Variants in RABGEF1 observed in about 807,000 individuals in gnomAD.
RABGEF1 encodes the protein rab5 GDP/GTP exchange factor.
RABGEF1 carries 26 observed loss-of-function variants against 57.3 expected under a neutral mutation model. The observed-to-expected ratio is 0.45, with a 90% CI of 0.33 to 0.63. The LOEUF (loss-of-function observed/expected upper bound fraction) is 0.63. Ranked by LOEUF, RABGEF1 falls within the 20% of genes least tolerant of loss-of-function variation. RABGEF1 has a pLI of 0.02. For synonymous variants in RABGEF1, 185 were observed against 210.7 expected (o/e 0.88, Z 1.06); for missense variants, 464 against 607.6 (o/e 0.76, Z 2.48).
chr7:66,714,661 C>T (rs905955120), intron 2 of RABGEF1, among the ~76,000 whole-genome samples: 12 of 152,142 alleles, frequency 7.9e-5, no homozygotes, highest in East Asian at 7.7e-4. Context: ...TAGGGCCAGG[C>T]GCAGTGGCTC....
chr7:66,786,306 A>C lies in RABGEF1; in HGVS notation c.513+2465A>C, dbSNP rs142734897. 4.2e-3 allele frequency among the ~76,000 whole-genome samples: 644 copies of C among 152,308 alleles called. 3 individuals carry two copies. Among genetic ancestry groups the C allele is most frequent in the Non-Finnish European group, 7.8e-3 (531 of 68,020 alleles). ...ACACTAAGATGTTTTTTGTTTTTAG[A>C]ATTTAAATTTCAGCACCTACGTAAT... On this transcript the variant is annotated intron_variant, in intron 4 of 8. Transcript: ENST00000284957.
chr7:66,783,383 T>G (rs560549837), intron 3 of RABGEF1, among the ~76,000 whole-genome samples: 9 of 152,342 alleles, frequency 5.9e-5, no homozygotes, highest in Middle Eastern at 3.4e-3. Context: ...TGATTGAATA[T>G]ATAGATCAAA....
intron 1 of RABGEF1, among the ~76,000 whole-genome samples, chr7:66,759,346 C>T (rs982573547): frequency 2.0e-5 from 3 of 152,220 alleles, no homozygotes; most frequent in Non-Finnish European, 4.4e-5. Flanking sequence ...TTCGAAGCGT[C>T]TTCTCCCAGC....
intron 2 of RABGEF1, among the ~76,000 whole-genome samples, chr7:66,732,692 T>C (rs1399872976): frequency 6.6e-6 from 1 of 152,052 alleles, no homozygotes; most frequent in Non-Finnish European, 1.5e-5. Flanking sequence ...AGCTGCGCTC[T>C]TGTGCTCTCT....
chr7:66,743,328 T>A (rs6953279), intron 1 of RABGEF1, among the ~76,000 whole-genome samples: 73,849 of 142,434 alleles, frequency 0.52, 19,328 homozygotes, highest in East Asian at 0.74. Context: ...GAAAAAAATT[T>A]AAAAAAAAAA....
intron 2 of RABGEF1, among the ~76,000 whole-genome samples, chr7:66,724,651 C>T (rs538696457): frequency 5.3e-5 from 8 of 152,198 alleles, no homozygotes; most frequent in Non-Finnish European, 7.3e-5. Context: ...AGCCACTGCA[C>T]CTGGCCTGAA....
intron 3 of RABGEF1, among the ~76,000 whole-genome samples, chr7:66,775,996 A>G (rs188069524): frequency 4.0e-4 from 61 of 152,330 alleles, no homozygotes; most frequent in Admixed American, 1.1e-3. Context: ...CAGCAAGAGG[A>G]TTGTCACTTA....
At chr7:66,762,601 GAAAAAA>G in intron 1 of RABGEF1, among the ~76,000 whole-genome samples, 1 of 149,954 alleles carries the variant, frequency 6.7e-6, no homozygotes, top group African/African-American at 2.5e-5. Context: ...GAAAAGAAAA[GAAAAAA>G]AGAAAAAAAA....
chr7:66,719,809 C>T (rs1795800887), intron 2 of RABGEF1, among the ~76,000 whole-genome samples: 2 of 152,102 alleles, frequency 1.3e-5, no homozygotes, highest in East Asian at 3.8e-4. Flanking sequence ...CTGTCTTTTC[C>T]TGTTTTCCTG....
intron 1 of RABGEF1, among the ~76,000 whole-genome samples, chr7:66,765,349 AATAC>A (rs1428528807): frequency 2.6e-5 from 4 of 152,200 alleles, no homozygotes; most frequent in Non-Finnish European, 5.9e-5. Flanking sequence ...GTTTCTGTCT[AATAC>A]ATAGTGAGCT....
Position 66,805,309 on chromosome 7 carries a change from C to G in RABGEF1, c.990C>G (p.Arg330=), listed in dbSNP as rs1297015167. ...TTGTTTTGAAGGGCAACCCCCCACG[C>G]CTTCAGTCTAATATCCAGTATATCA... The part of the protein sequence containing the change: ...IYIVLKGNPP[R]LQSNIQYITR... Residue 330 remains arginine, a synonymous_variant, in exon 8 of 9, where the codon CGC becomes CGG. Coordinates refer to ENST00000284957, the MANE Select transcript of RABGEF1 (RefSeq NM_014504.3). 5.3e-5 allele frequency: 85 copies of G among 1,614,074 alleles called. 1 individual carries two copies. The Admixed American group carries it at 1.4e-3, about 27-fold the overall frequency.
intron 1 of RABGEF1, among the ~76,000 whole-genome samples, chr7:66,687,512 A>G (rs2117082221): frequency 6.6e-6 from 1 of 151,782 alleles, no homozygotes; most frequent in East Asian, 1.9e-4. Flanking sequence ...AAGAAAAAAG[A>G]AAAGAAGAAG....
intron 2 of RABGEF1, among the ~76,000 whole-genome samples, chr7:66,772,346 G>A (rs1807352110): frequency 6.6e-6 from 1 of 152,150 alleles, no homozygotes; most frequent in Non-Finnish European, 1.5e-5. Flanking sequence ...TCCTTGGAGT[G>A]GAAGAATGGA....
chr7:66,673,957 T>G, the RABGEF1 span, among the ~76,000 whole-genome samples: 1 of 152,200 alleles, frequency 6.6e-6, no homozygotes, highest in Non-Finnish European at 1.5e-5. Context: ...ATATGTGATT[T>G]TATTCAGCCC....
chr7:66,780,844 C>T (rs1809725656), intron 3 of RABGEF1, among the ~76,000 whole-genome samples: 2 of 152,154 alleles, frequency 1.3e-5, no homozygotes, highest in African/African-American at 4.8e-5. Context: ...CTTCGTCTAA[C>T]ATTGGTACAA....
chr7:66,788,663 T>C (rs1050551392), intron 4 of RABGEF1, among the ~76,000 whole-genome samples: 4 of 152,176 alleles, frequency 2.6e-5, no homozygotes, highest in African/African-American at 9.6e-5. Context: ...TTCATTGTTA[T>C]TTTTCTAGCC....
At chr7:66,735,560 G>A (rs1226643531) in intron 2 of RABGEF1, among the ~76,000 whole-genome samples, 8 of 152,210 alleles carry the variant, frequency 5.3e-5, no homozygotes, top group East Asian at 3.9e-4. Context: ...CCCTAAAGTT[G>A]GAGGTGAGGC....
At chr7:66,693,138 G>C (rs1791789933) in intron 1 of RABGEF1, among the ~76,000 whole-genome samples, 1 of 152,188 alleles carries the variant, frequency 6.6e-6, no homozygotes. Flanking sequence ...ATTTGGCACA[G>C]TGACAGGGTG....
intron 7 of RABGEF1, among the ~76,000 whole-genome samples, chr7:66,803,203 C>T (rs1293396837): frequency 6.6e-6 from 1 of 152,192 alleles, no homozygotes; most frequent in Non-Finnish European, 1.5e-5. Context: ...TAAAAGCACT[C>T]AAAAGTTAAA....
Sources: gnomAD v4.1 joint callset for allele counts (sites outside exome capture counted in the v4.1 genomes callset) on GRCh38, gnomAD v4.1.1 for gene constraint, MANE v1.5 for transcripts, NCBI Gene and HGNC (gene_info 2026-07-23, HGNC 2026-07-21) for gene names.